Variants in POLR1D observed in about 807,000 individuals in gnomAD.
The protein encoded by POLR1D is RNA polymerase I and III subunit D.
In POLR1D, 8 loss-of-function variants were observed where a neutral mutation model predicts 10.8. The ratio of observed to expected loss-of-function variants is 0.74; its 90% CI spans 0.43 to 1.33. The LOEUF (loss-of-function observed/expected upper bound fraction) is 1.33, where lower values mean the gene tolerates loss of function less well. Ranked by LOEUF, POLR1D falls within the 40% of genes most tolerant of loss-of-function variation. The probability of loss-of-function intolerance (pLI) is 0.01; values close to 1 mark genes in which losing one functional copy is unlikely to be tolerated. For missense variants in POLR1D, 152 were observed against 161.7 expected (o/e 0.94, Z 0.32); for synonymous variants, 54 against 57.2 (o/e 0.94, Z 0.25).
intron 1 of POLR1D, 40 bp from the exon 2 acceptor site, chr13:27,622,834 TA>T: frequency 7.6e-7 from 1 of 1,318,340 alleles, no homozygotes; most frequent in Non-Finnish European, 1.1e-6. Context: ...TACAAAACAA[TA>T]TTCAGTATGA....
rs74212405 is a variant in POLR1D at position 27,628,981 on chromosome 13, A to G, written c.26+6972A>G. On this transcript the variant is annotated intron_variant, in intron 1 of 2. Coordinates refer to the POLR1D transcript ENST00000399697. ...CAGGCATGTGCCACCATGCCTGGCT[A>G]ATTGTTTGTTTTTGTTTTTTTGTGT... Among the ~76,000 whole-genome samples, 904 of 151,548 alleles carry G rather than the reference A, an allele frequency of 6.0e-3. 53 individuals are homozygous for G. The East Asian group carries it at 0.15, about 26-fold the overall frequency.
At chr13:27,648,787 C>G (rs1046147998) in intron 2 of POLR1D, among the ~76,000 whole-genome samples, 4 of 152,172 alleles carry the variant, frequency 2.6e-5, no homozygotes, top group Admixed American at 2.0e-4. Flanking sequence ...TTAAGAATTT[C>G]TAGTTTACTT....
intron 1 of POLR1D, among the ~76,000 whole-genome samples, chr13:27,645,389 T>C (rs976021291): frequency 3.9e-5 from 6 of 151,964 alleles, no homozygotes; most frequent in African/African-American, 1.5e-4. Flanking sequence ...AAAACAGAGG[T>C]TGGGTTTTGT....
chr13:27,647,071 G>A (rs533604591), intron 1 of POLR1D, among the ~76,000 whole-genome samples: 4 of 151,800 alleles, frequency 2.6e-5, no homozygotes, highest in Non-Finnish European at 5.9e-5. Flanking sequence ...ATTTGTTTTG[G>A]ACTATATTTG....
chr13:27,623,537 A>C, downstream of POLR1D: 1 of 375,414 alleles, frequency 2.7e-6, no homozygotes, highest in Non-Finnish European at 4.8e-6. Context: ...AAATGAGGAA[A>C]CTGAGAATAT....
chr13:27,666,056 T>C, exon 3 of POLR1D: 1 of 1,043,074 alleles, frequency 9.6e-7, no homozygotes, highest in Non-Finnish European at 1.4e-6. Flanking sequence ...GAGAGTGACT[T>C]TGACATTAGG....
Position 27,665,930 on chromosome 13 carries a change from G to T in POLR1D, c.346G>T (p.Glu116Ter), listed in dbSNP as rs778356800. The change falls in exon 3 of 3, where the codon GAA becomes TAA. Residue 116 changes from glutamate (E) to a stop codon, truncating the protein, a stop_gained. Transcript: ENST00000399697. LOFTEE classifies it high-confidence loss of function. ...AAAGCGGAGCAGCCAGGACAAGTACGAAAAGCGGTCCAACCGGCGGTGAGG... is the reference window on the plus strand; with the variant it reads ...AAAGCGGAGCAGCCAGGACAAGTACTAAAAGCGGTCCAACCGGCGGTGAGG... 2 of 1,614,186 alleles carry T rather than the reference G, an allele frequency of 1.2e-6. No individual in the cohort carries two copies. Among genetic ancestry groups the T allele is most frequent in the South Asian group, 2.2e-5 (2 of 91,084 alleles).
At chr13:27,658,832 G>A (rs1287543850) in intron 2 of POLR1D, among the ~76,000 whole-genome samples, 9 of 152,126 alleles carry the variant, frequency 5.9e-5, no homozygotes, top group Non-Finnish European at 4.4e-5. Flanking sequence ...CAGCTTCATT[G>A]TCTACAAAGC....
chr13:27,643,731 C>G, intron 1 of POLR1D, among the ~76,000 whole-genome samples: 1 of 152,166 alleles, frequency 6.6e-6, no homozygotes, highest in East Asian at 1.9e-4. Flanking sequence ...AGTAAGGTTT[C>G]TTTTACACGT....
upstream of POLR1D, chr13:27,621,825 TG>T (rs1955927785): frequency 1.4e-6 from 1 of 705,914 alleles, no homozygotes. Flanking sequence ...GCCCCGCGGC[TG>T]GGCCCTGCCG....
intron 1 of POLR1D, among the ~76,000 whole-genome samples, chr13:27,637,227 T>C (rs192145437): frequency 2.3e-3 from 352 of 152,326 alleles, no homozygotes; most frequent in Non-Finnish European, 4.4e-3. Flanking sequence ...CGTAATAGAA[T>C]TTTCCATGCC....
intron 1 of POLR1D, among the ~76,000 whole-genome samples, chr13:27,644,012 GTGACTTTTAAAGAC>G (rs1486729584): frequency 6.6e-6 from 1 of 152,130 alleles, no homozygotes; most frequent in Admixed American, 6.5e-5. Context: ...CTGATCAAAG[GTGACTTTTAAAGAC>G]TGAGAGAGAC....
At chr13:27,641,810 A>G (rs751753541) in intron 1 of POLR1D, among the ~76,000 whole-genome samples, 4 of 152,164 alleles carry the variant, frequency 2.6e-5, no homozygotes, top group African/African-American at 4.8e-5. Context: ...TTGTGAGTGG[A>G]GAGTGATTTG....
chr13:27,627,062 C>A (rs1022121267), downstream of POLR1D, among the ~76,000 whole-genome samples: 3 of 152,188 alleles, frequency 2.0e-5, no homozygotes, highest in Non-Finnish European at 2.9e-5. Context: ...GTCTCCAGAT[C>A]ACTAGACAAA....
chr13:27,646,733 A>G (rs147166978), intron 1 of POLR1D, among the ~76,000 whole-genome samples: 2 of 152,340 alleles, frequency 1.3e-5, no homozygotes, highest in East Asian at 3.9e-4. Flanking sequence ...TTGAAAGCAT[A>G]GTATTAGGAA....
intron 1 of POLR1D, among the ~76,000 whole-genome samples, chr13:27,632,641 A>ACCCCCCCCCCCCCCCC (rs11378549): frequency 1.7e-4 from 25 of 145,250 alleles, no homozygotes; most frequent in Admixed American, 5.0e-4. Context: ...AAATTGCAGC[A>ACCCCCCCCCCCCCCCC]CCCCCCGCCC....
At chr13:27,655,452 G>A (rs550787) in intron 2 of POLR1D, among the ~76,000 whole-genome samples, 75,195 of 151,510 alleles carry the variant, frequency 0.5, 20,940 homozygotes, top group East Asian at 0.81. Context: ...TATAGTGGTT[G>A]CCTTTTGTTT....
intron 1 of POLR1D, among the ~76,000 whole-genome samples, chr13:27,641,942 T>TG (rs1396391977): frequency 7.2e-5 from 11 of 152,152 alleles, no homozygotes; most frequent in African/African-American, 2.7e-4. Context: ...AGGCCCTAGA[T>TG]GTGGTTATCC....
chr13:27,649,145 A>G (rs886087684), intron 2 of POLR1D, among the ~76,000 whole-genome samples: 3 of 152,242 alleles, frequency 2.0e-5, no homozygotes, highest in African/African-American at 7.2e-5. Flanking sequence ...TCTGGAATTT[A>G]TATCTACAGT....
Sources: gnomAD v4.1 joint callset for allele counts (sites outside exome capture counted in the v4.1 genomes callset) on GRCh38, gnomAD v4.1.1 for gene constraint, MANE v1.5 for transcripts, NCBI Gene and HGNC (gene_info 2026-07-23, HGNC 2026-07-21) for gene names.